The following TAFA1 variants were observed in gnomAD, a reference collection of about 807,000 sequenced individuals.
TAFA1 encodes the protein TAFA chemokine like family member 1, also known as chemokine-like protein TAFA-1.
A neutral mutation model predicts 18.5 loss-of-function variants in TAFA1; 4 were observed. That is an observed-to-expected ratio of 0.22 (90% CI 0.11 to 0.49). The LOEUF (loss-of-function observed/expected upper bound fraction) is 0.49, where lower values mean the gene tolerates loss of function less well. TAFA1 is among the 20% of genes least tolerant of loss of function. The probability of loss-of-function intolerance (pLI) is 0.98; values close to 1 mark genes in which losing one functional copy is unlikely to be tolerated. For missense variants in TAFA1, 147 were observed against 169.0 expected (o/e 0.87, Z 0.72); for synonymous variants, 56 against 55.2 (o/e 1.01, Z -0.06).
intron 2 of TAFA1, among the ~76,000 whole-genome samples, chr3:68,055,699 GAGGGTTAAGGAGAATCTGAGAGTTC>G (rs1450529136): frequency 6.6e-6 from 1 of 152,066 alleles, no homozygotes; most frequent in Non-Finnish European, 1.5e-5. Context: ...TGAAGTCTCA[GAGGGTTAAGGAGAATCTGAGAGTTC>G]AAGAGTCTGG....
At chr3:68,024,683 A>G (rs1357425976) in intron 2 of TAFA1, among the ~76,000 whole-genome samples, 3 of 152,038 alleles carry the variant, frequency 2.0e-5, no homozygotes, top group African/African-American at 4.8e-5. Context: ...GCATTTACAT[A>G]TCAGGTTTAG....
intron 3 of TAFA1, among the ~76,000 whole-genome samples, chr3:68,438,462 C>T (rs953000692): frequency 1.3e-5 from 2 of 152,144 alleles, no homozygotes; most frequent in African/African-American, 2.4e-5. Flanking sequence ...CAGTCCAACC[C>T]CTGTGGCTTG....
Position 68,251,206 on chromosome 3 carries a change from A to G in TAFA1, c.119-166074A>G, listed in dbSNP as rs76523500. Among the ~76,000 whole-genome samples, 600 of 152,328 alleles carry G rather than the reference A, an allele frequency of 3.9e-3. 4 individuals are homozygous for G. Among genetic ancestry groups the G allele is most frequent in the African/African-American group, 0.013 (549 of 41,562 alleles). ...ACCCTTGAGAGTGTGAGTGGTGACA[A>G]TGGATACAGACTGAGCTGCCCAGAA... On this transcript the variant is annotated intron_variant, in intron 2 of 4. Coordinates refer to ENST00000478136, the MANE Select transcript of TAFA1 (RefSeq NM_213609.4).
At chr3:68,527,263 AAG>A (rs2073122291) in intron 3 of TAFA1, among the ~76,000 whole-genome samples, 1 of 152,128 alleles carries the variant, frequency 6.6e-6, no homozygotes, top group Non-Finnish European at 1.5e-5. Flanking sequence ...GCCTAAGACA[AAG>A]AGTATTATTA....
intron 2 of TAFA1, among the ~76,000 whole-genome samples, chr3:68,312,230 G>T (rs1430421401): frequency 1.3e-5 from 2 of 149,860 alleles, no homozygotes; most frequent in African/African-American, 2.4e-5. Context: ...AGGAGGGGCT[G>T]CCCTGGAGAC....
At chr3:68,127,532 G>T (rs544800382) in intron 2 of TAFA1, among the ~76,000 whole-genome samples, 2 of 150,438 alleles carry the variant, frequency 1.3e-5, no homozygotes, top group Admixed American at 1.3e-4. Flanking sequence ...TGGCACGGCT[G>T]CTGCTGTTGT....
chr3:68,438,824 G>A (rs2071311480), intron 3 of TAFA1, among the ~76,000 whole-genome samples: 1 of 152,060 alleles, frequency 6.6e-6, no homozygotes, highest in South Asian at 2.1e-4. Context: ...TCTGGGGAGT[G>A]GGTTTCATCT....
At chr3:68,524,741 G>A (rs2073081137) in intron 3 of TAFA1, among the ~76,000 whole-genome samples, 1 of 151,918 alleles carries the variant, frequency 6.6e-6, no homozygotes, top group African/African-American at 2.4e-5. Context: ...TGCGATCTCG[G>A]CTCACTGCAA....
intron 2 of TAFA1, among the ~76,000 whole-genome samples, chr3:68,407,348 C>G (rs1444102799): frequency 3.3e-5 from 5 of 152,046 alleles, no homozygotes; most frequent in Non-Finnish European, 4.4e-5. Flanking sequence ...GGCATTCACC[C>G]TGGATGTCAG....
At chr3:68,389,396 T>C (rs2106704421) in intron 2 of TAFA1, among the ~76,000 whole-genome samples, 1 of 152,332 alleles carries the variant, frequency 6.6e-6, no homozygotes, top group Middle Eastern at 3.4e-3. Context: ...TTTTCTATTA[T>C]GAATAAGGCA....
chr3:68,120,325 C>G (rs2065384348), intron 2 of TAFA1, among the ~76,000 whole-genome samples: 1 of 151,548 alleles, frequency 6.6e-6, no homozygotes, highest in Admixed American at 6.6e-5. Context: ...TCTCAGTTCA[C>G]TACAACCTCT....
intron 2 of TAFA1, among the ~76,000 whole-genome samples, chr3:68,170,127 G>T (rs546392627): frequency 6.6e-6 from 1 of 152,202 alleles, no homozygotes; most frequent in East Asian, 1.9e-4. Flanking sequence ...AAGATTTATG[G>T]AATTTTAGTG....
chr3:68,128,970 C>T (rs1265205999), intron 2 of TAFA1, among the ~76,000 whole-genome samples: 1 of 152,186 alleles, frequency 6.6e-6, no homozygotes, highest in Non-Finnish European at 1.5e-5. Flanking sequence ...GGTCATTTCT[C>T]TAAATAAAAA....
intron 2 of TAFA1, among the ~76,000 whole-genome samples, chr3:68,058,216 G>C (rs1396996617): frequency 6.6e-6 from 1 of 152,116 alleles, no homozygotes; most frequent in Non-Finnish European, 1.5e-5. Flanking sequence ...AGAAAGTTAT[G>C]CAACAACTTT....
intron 2 of TAFA1, among the ~76,000 whole-genome samples, chr3:68,035,570 G>A (rs1293970967): frequency 6.6e-6 from 1 of 152,194 alleles, no homozygotes; most frequent in Non-Finnish European, 1.5e-5. Flanking sequence ...TAACGAGGAT[G>A]TGAAACAATT....
At chr3:68,144,098 G>A (rs752369442) in intron 2 of TAFA1, among the ~76,000 whole-genome samples, 10 of 152,108 alleles carry the variant, frequency 6.6e-5, no homozygotes, top group Non-Finnish European at 1.3e-4. Context: ...AGGGCCGTGG[G>A]AAAATAACTT....
chr3:68,520,239 G>A (rs553576348), intron 3 of TAFA1, among the ~76,000 whole-genome samples: 159 of 152,252 alleles, frequency 1.0e-3, no homozygotes, highest in African/African-American at 3.7e-3. Context: ...TTATATTCAC[G>A]AAGATTTTCA....
intron 2 of TAFA1, among the ~76,000 whole-genome samples, chr3:68,078,625 G>T (rs867136006): frequency 6.6e-6 from 1 of 151,944 alleles, no homozygotes; most frequent in Non-Finnish European, 1.5e-5. Flanking sequence ...ATTGATTTGT[G>T]TATATTGAAC....
chr3:68,156,238 C>A (rs1239454847), intron 2 of TAFA1, among the ~76,000 whole-genome samples: 1 of 152,154 alleles, frequency 6.6e-6, no homozygotes, highest in Admixed American at 6.6e-5. Context: ...CTTAAACCAG[C>A]AGTCAGGATA....
Sources: allele counts gnomAD v4.1 joint callset (sites outside exome capture counted in the v4.1 genomes callset), GRCh38; gene constraint gnomAD v4.1.1; transcripts MANE v1.5; gene names NCBI Gene and HGNC (gene_info 2026-07-23, HGNC 2026-07-21).